SLC25A12: variants seen among roughly 807,000 people sequenced by gnomAD.
The protein encoded by SLC25A12 is solute carrier family 25 member 12.
A neutral mutation model predicts 83.3 loss-of-function variants in SLC25A12; 32 were observed. That is an observed-to-expected ratio of 0.38 (90% CI 0.29 to 0.52). The LOEUF (loss-of-function observed/expected upper bound fraction) is 0.52. SLC25A12 is among the 20% of genes least tolerant of loss of function. The pLI is 0.84. For missense variants in SLC25A12, 611 were observed against 835.6 expected (o/e 0.73, Z 3.31); for synonymous variants, 267 against 291.1 (o/e 0.92, Z 0.84).
chr2:171,851,801 C>T (rs2105902199), intron 4 of SLC25A12, among the ~76,000 whole-genome samples: 1 of 152,348 alleles, frequency 6.6e-6, no homozygotes, highest in Non-Finnish European at 1.5e-5. Context: ...TCCCAAACTG[C>T]TGGGATTACA....
chr2:171,871,918 CAA>C (rs34494239), intron 2 of SLC25A12: 5 of 91,732 alleles, frequency 5.5e-5, no homozygotes, highest in East Asian at 3.0e-4. Flanking sequence ...GACCCTGTCT[CAA>C]AAAAAAAAAA....
chr2:171,836,641 C>G (rs538771605), intron 6 of SLC25A12, among the ~76,000 whole-genome samples: 1 of 152,310 alleles, frequency 6.6e-6, no homozygotes, highest in African/African-American at 2.4e-5. Context: ...CTCCGGCAGA[C>G]AGCACCCTGA....
Position 171,813,563 on chromosome 2 carries a change from C to T in SLC25A12, c.1013-66G>A, listed in dbSNP as rs1304044271. The T allele has an allele frequency of 5.4e-6, 8 of 1,474,440 alleles. No homozygotes were observed. In the East Asian group the frequency reaches 1.4e-4, roughly 25 times the overall value. The allele number at this position is 1,474,440 out of a possible 1,614,324, so 91.3% of individuals were successfully genotyped here. A position where few individuals can be genotyped will look rare whatever the true frequency, so the allele number is the denominator to read the frequency against. Reference sequence around the variant, plus strand: ...TTAAATGGAGAGTCCATAAGGATGACAAATCTTATCTTAAAGGATGAGAAA... The same window carrying T: ...TTAAATGGAGAGTCCATAAGGATGATAAATCTTATCTTAAAGGATGAGAAA... On this transcript the variant is annotated intron_variant, in intron 10 of 17. Transcript: ENST00000422440.
intron 13 of SLC25A12, among the ~76,000 whole-genome samples, chr2:171,798,376 G>A (rs976243146): frequency 6.6e-6 from 1 of 152,138 alleles, no homozygotes; most frequent in African/African-American, 2.4e-5. Flanking sequence ...TGGAGGCTGG[G>A]CCCTGCTTGT....
chr2:171,834,580 T>A (rs1684516004), intron 7 of SLC25A12, 147 bp downstream of exon 7: 1 of 925,748 alleles, frequency 1.1e-6, no homozygotes, highest in East Asian at 2.6e-5. Context: ...CCACCTGGAT[T>A]TTTGGAGCCC....
intron 17 of SLC25A12, 48 bp from the exon 18 acceptor site, chr2:171,785,523 G>C: frequency 6.4e-7 from 1 of 1,559,776 alleles, no homozygotes; most frequent in Non-Finnish European, 8.8e-7. Flanking sequence ...AGGTGGATGA[G>C]CGCAGCTTAC....
chr2:171,844,945 CTTGA>C (rs1240287382), intron 4 of SLC25A12, among the ~76,000 whole-genome samples: 2 of 152,066 alleles, frequency 1.3e-5, no homozygotes, highest in Non-Finnish European at 2.9e-5. Context: ...TTGATTGAGG[CTTGA>C]TTATTACATT....
At chr2:171,859,343 A>G (rs1305828152) in intron 3 of SLC25A12, among the ~76,000 whole-genome samples, 1 of 152,186 alleles carries the variant, frequency 6.6e-6, no homozygotes, top group Non-Finnish European at 1.5e-5. Context: ...ATGGTGACAC[A>G]TGCCTGTAGT....
At chr2:171,842,620 C>T (rs1378429758) in intron 5 of SLC25A12, among the ~76,000 whole-genome samples, 1 of 151,896 alleles carries the variant, frequency 6.6e-6, no homozygotes, top group African/African-American at 2.4e-5. Context: ...TCATATTGTA[C>T]AATTCCATTT....
chr2:171,866,993 C>T (rs1354030477), intron 3 of SLC25A12, among the ~76,000 whole-genome samples: 5 of 146,822 alleles, frequency 3.4e-5, no homozygotes, highest in African/African-American at 1.0e-4. Flanking sequence ...ACCTCCCAGA[C>T]GGGGTCGCGG....
intron 13 of SLC25A12, 137 bp from the exon 14 acceptor site, chr2:171,793,904 A>G (rs1294706078): frequency 3.9e-6 from 4 of 1,015,890 alleles, no homozygotes; most frequent in African/African-American, 3.2e-5. Context: ...TCAGGGGGGA[A>G]TGACAGTTTG....
At chr2:171,874,263 G>T (rs1574000011) in intron 2 of SLC25A12, among the ~76,000 whole-genome samples, 7 of 150,248 alleles carry the variant, frequency 4.7e-5, no homozygotes, top group Admixed American at 4.6e-4. Context: ...GTGGTGGCAG[G>T]TGCCTGTAAT....
At chr2:171,812,826 G>A (rs1683975718) in intron 11 of SLC25A12, among the ~76,000 whole-genome samples, 1 of 144,212 alleles carries the variant, frequency 6.9e-6, no homozygotes. Flanking sequence ...TAAACCTTCA[G>A]ATGGCTCATT....
intron 14 of SLC25A12, among the ~76,000 whole-genome samples, chr2:171,793,062 G>A (rs547008331): frequency 2.6e-5 from 4 of 151,452 alleles, no homozygotes; most frequent in South Asian, 2.1e-4. Flanking sequence ...AAGTATACCC[G>A]CAGGGAAGGA....
At chr2:171,798,166 A>G (rs1040595547) in intron 13 of SLC25A12, among the ~76,000 whole-genome samples, 11 of 152,360 alleles carry the variant, frequency 7.2e-5, no homozygotes, top group Admixed American at 7.2e-4. Context: ...AAAAACTTCC[A>G]TTTAATCTTA....
At chr2:171,806,547 A>T (rs566400263) in intron 13 of SLC25A12, among the ~76,000 whole-genome samples, 1 of 152,364 alleles carries the variant, frequency 6.6e-6, no homozygotes, top group African/African-American at 2.4e-5. Context: ...AGAGATTTTC[A>T]CTTCTAGGTC....
At chr2:171,863,046 C>T (rs1685197639) in intron 3 of SLC25A12, among the ~76,000 whole-genome samples, 1 of 152,040 alleles carries the variant, frequency 6.6e-6, no homozygotes, top group African/African-American at 2.4e-5. Context: ...GCTATAGGCA[C>T]ACACCATCAC....
intron 9 of SLC25A12, among the ~76,000 whole-genome samples, 185 bp downstream of exon 9, chr2:171,826,613 A>T (rs528204815): frequency 2.8e-4 from 42 of 152,020 alleles, no homozygotes; most frequent in African/African-American, 4.4e-4. Flanking sequence ...CATCTCAAAA[A>T]ATATATATAT....
intron 17 of SLC25A12, among the ~76,000 whole-genome samples, chr2:171,787,326 T>TA (rs1690507561): frequency 6.6e-6 from 1 of 152,132 alleles, no homozygotes; most frequent in Non-Finnish European, 1.5e-5. Flanking sequence ...CCTGTCTTTT[T>TA]TAAAAAAATT....
Sources: gnomAD v4.1 joint callset for allele counts (sites outside exome capture counted in the v4.1 genomes callset) on GRCh38, gnomAD v4.1.1 for gene constraint, MANE v1.5 for transcripts, NCBI Gene and HGNC (gene_info 2026-07-23, HGNC 2026-07-21) for gene names.